Variants in VPS35L observed in about 807,000 individuals in gnomAD.
VPS35L encodes the protein VPS35 endosomal protein-sorting factor-like.
VPS35L carries 83 observed loss-of-function variants against 133.0 expected under a neutral mutation model. The observed-to-expected ratio is 0.62, with a 90% CI of 0.52 to 0.75. VPS35L has a LOEUF of 0.75. VPS35L is among the 30% of genes least tolerant of loss of function. VPS35L has a pLI of 0.00. For missense variants in VPS35L, 1,083 were observed against 1,206.8 expected (o/e 0.90, Z 1.52); for synonymous variants, 423 against 449.9 (o/e 0.94, Z 0.76).
At chr16:19,638,019 A>G (rs1314301564) in intron 20 of VPS35L, among the ~76,000 whole-genome samples, 1 of 152,180 alleles carries the variant, frequency 6.6e-6, no homozygotes, top group Non-Finnish European at 1.5e-5. Context: ...ACACAGCCTA[A>G]TGTTGAAACT....
intron 29 of VPS35L, among the ~76,000 whole-genome samples, chr16:19,692,469 T>A (rs1325778517): frequency 6.6e-6 from 1 of 152,204 alleles, no homozygotes. Flanking sequence ...CTGGCTGTGA[T>A]GAAACAGCAG....
At chr16:19,632,055 G>A (rs1418748063) in intron 18 of VPS35L, among the ~76,000 whole-genome samples, 1 of 152,218 alleles carries the variant, frequency 6.6e-6, no homozygotes, top group Admixed American at 6.5e-5. Flanking sequence ...TCCGCCTCCT[G>A]GGTTCAAGTG....
intron 27 of VPS35L, 75 bp from the exon 28 acceptor site, chr16:19,682,150 C>T (rs2151618198): frequency 6.6e-7 from 1 of 1,513,266 alleles, no homozygotes; most frequent in Non-Finnish European, 9.1e-7. Context: ...AGGATCTGGG[C>T]TTCTGTGTTG....
intron 26 of VPS35L, among the ~76,000 whole-genome samples, chr16:19,666,909 TTTC>T (rs1389429015): frequency 1.5e-5 from 1 of 66,838 alleles, no homozygotes; most frequent in Non-Finnish European, 3.2e-5. Flanking sequence ...TCTTTCTTTC[TTTC>T]TTTCTTTCTT....
chr16:19,576,217 C>G (rs1223601944), intron 5 of VPS35L, among the ~76,000 whole-genome samples: 1 of 148,762 alleles, frequency 6.7e-6, no homozygotes, highest in Non-Finnish European at 1.5e-5. Context: ...AGGAGTAAAA[C>G]GTAAGCTTAC....
chr16:19,658,075 A>T (rs1284843901), intron 26 of VPS35L, among the ~76,000 whole-genome samples: 1 of 152,134 alleles, frequency 6.6e-6, no homozygotes, highest in Admixed American at 6.5e-5. Flanking sequence ...GAACCCACAG[A>T]AAAAGGGCAC....
At chr16:19,607,295 T>C in intron 9 of VPS35L, among the ~76,000 whole-genome samples, 1 of 152,204 alleles carries the variant, frequency 6.6e-6, no homozygotes, top group East Asian at 1.9e-4. Flanking sequence ...CTTGTTGCTC[T>C]CATGGTCAGT....
At chr16:19,560,653 A>G (rs1970998730) in intron 1 of VPS35L, among the ~76,000 whole-genome samples, 1 of 152,050 alleles carries the variant, frequency 6.6e-6, no homozygotes, top group Non-Finnish European at 1.5e-5. Context: ...AAAATTAGCC[A>G]GGCGTGGTGA....
At chr16:19,630,784 G>A (rs1363313708) in intron 18 of VPS35L, among the ~76,000 whole-genome samples, 1 of 151,890 alleles carries the variant, frequency 6.6e-6, no homozygotes, top group Non-Finnish European at 1.5e-5. Context: ...GGAGATTAAT[G>A]CCCTTATAAT....
At chr16:19,695,289 A>G (rs1280686205) in intron 29 of VPS35L, among the ~76,000 whole-genome samples, 3 of 152,240 alleles carry the variant, frequency 2.0e-5, no homozygotes, top group African/African-American at 4.8e-5. Context: ...GACAGCATAA[A>G]TGATCATAGC....
chr16:19,576,998 C>T (rs745838122), intron 5 of VPS35L, among the ~76,000 whole-genome samples: 5 of 152,162 alleles, frequency 3.3e-5, no homozygotes, highest in South Asian at 2.1e-4. Context: ...TGAGCTACCA[C>T]GCCCAGCTTG....
chr16:19,630,246 A>G (rs184248119), intron 18 of VPS35L, among the ~76,000 whole-genome samples: 13 of 151,980 alleles, frequency 8.6e-5, no homozygotes, highest in African/African-American at 3.1e-4. Context: ...CTTCTCAAAG[A>G]GCAGAGACTT....
chr16:19,690,060 G>C (rs932785456), intron 28 of VPS35L, among the ~76,000 whole-genome samples: 10 of 152,036 alleles, frequency 6.6e-5, no homozygotes, highest in Admixed American at 6.6e-4. Flanking sequence ...CTACAGGCGT[G>C]AGCTACCAAA....
At chr16:19,648,638 C>G (rs1024130640) in intron 24 of VPS35L, among the ~76,000 whole-genome samples, 2 of 152,080 alleles carry the variant, frequency 1.3e-5, no homozygotes, top group Non-Finnish European at 2.9e-5. Context: ...GAGTCTGAGG[C>G]TAGCAGATCA....
chr16:19,649,466 C>T (rs1008185601), intron 24 of VPS35L, among the ~76,000 whole-genome samples: 1 of 152,164 alleles, frequency 6.6e-6, no homozygotes, highest in East Asian at 1.9e-4. Context: ...ACAGTAGCCA[C>T]GAAAAACAAG....
chr16:19,586,837 A>G (rs1344787345), intron 7 of VPS35L, among the ~76,000 whole-genome samples: 1 of 152,156 alleles, frequency 6.6e-6, no homozygotes, highest in Non-Finnish European at 1.5e-5. Context: ...TAAGGTAAGG[A>G]TCTAAATAAT....
intron 5 of VPS35L, 36 bp from the exon 6 acceptor site, chr16:19,579,016 A>G (rs1971623203): frequency 6.2e-7 from 1 of 1,603,584 alleles, no homozygotes; most frequent in Admixed American, 1.7e-5. Context: ...GTGCACGAGA[A>G]AAGCCACCTG....
At position 19,639,893 on chromosome 16, in the gene VPS35L, C is replaced by T; in HGVS notation, c.1699-122C>T. The T allele has an allele frequency of 1.3e-6, 1 of 797,386 alleles. No homozygotes were observed. Among genetic ancestry groups the T allele is most frequent in the Non-Finnish European group, 2.0e-6 (1 of 501,226 alleles). The allele number at this position is 797,386 out of a possible 1,614,324, so 49.4% of individuals were successfully genotyped here. A position where few individuals can be genotyped will look rare whatever the true frequency, so the allele number is the denominator to read the frequency against. ...TGATTTCAGAGGAGTCCTCATCTGA[C>T]CCGACTCAGAGAGATGAACCTCTGT... On this transcript the variant is annotated intron_variant, in intron 20 of 30. Transcript: ENST00000417362. The surrounding 1 kb of genome is among the most constrained non-coding windows in gnomAD (Gnocchi z 4.1).
intron 7 of VPS35L, among the ~76,000 whole-genome samples, chr16:19,585,702 G>A (rs1364536855): frequency 2.0e-5 from 3 of 151,950 alleles, no homozygotes; most frequent in Non-Finnish European, 2.9e-5. Context: ...ATCACACCTG[G>A]CCTATCAGTT....
Sources: gnomAD v4.1 joint callset for allele counts (sites outside exome capture counted in the v4.1 genomes callset) on GRCh38, gnomAD v4.1.1 for gene constraint, Gnocchi (gnomAD v3.1) non-coding constraint, MANE v1.5 for transcripts, NCBI Gene and HGNC (gene_info 2026-07-23, HGNC 2026-07-21) for gene names.